The following FAM135A variants were observed in gnomAD, a reference collection of about 807,000 sequenced individuals.
FAM135A encodes protein FAM135A.
In FAM135A, 79 loss-of-function variants were observed where a neutral mutation model predicts 146.8. The observed-to-expected ratio is 0.54, with a 90% confidence interval of 0.45 to 0.65. The LOEUF (loss-of-function observed/expected upper bound fraction) is 0.65. Ranked by LOEUF, FAM135A falls within the 30% of genes least tolerant of loss-of-function variation. The pLI, the probability that FAM135A is intolerant of heterozygous loss-of-function variation, is 0.00. For missense variants in FAM135A, 1,623 were observed against 1,758.2 expected (o/e 0.92, Z 1.38); for synonymous variants, 562 against 603.6 (o/e 0.93, Z 1.01).
chr6:70,440,946 T>A (rs936650733), intron 4 of FAM135A, among the ~76,000 whole-genome samples: 5 of 152,228 alleles, frequency 3.3e-5, no homozygotes, highest in African/African-American at 1.2e-4. Flanking sequence ...ACATATAGTT[T>A]ACACAGAAAA....
intron 20 of FAM135A, among the ~76,000 whole-genome samples, chr6:70,555,092 C>CT (rs1301414178): frequency 6.6e-6 from 1 of 152,052 alleles, no homozygotes; most frequent in Non-Finnish European, 1.5e-5. Flanking sequence ...AAAAGTTAGA[C>CT]TTTATATTTT....
chr6:70,500,216 T>G (rs1306479655), intron 11 of FAM135A, among the ~76,000 whole-genome samples: 1 of 152,214 alleles, frequency 6.6e-6, no homozygotes, highest in East Asian at 1.9e-4. Flanking sequence ...TCTTCATGCC[T>G]TATTTCAGTA....
chr6:70,414,064 C>T, intron 1 of FAM135A: 2 of 985,060 alleles, frequency 2.0e-6, no homozygotes, highest in Non-Finnish European at 2.4e-6. Context: ...CTCCTTTACC[C>T]GCTTTCGTGG....
In FAM135A at chr6:70,526,370, C is replaced by G. The variant is rs1794687744; in HGVS notation, c.3286C>G (p.Gln1096Glu). 5 of 1,613,406 alleles carry G rather than the reference C, an allele frequency of 3.1e-6. No homozygotes were observed. The highest frequency in any genetic ancestry group is 4.2e-6 in the Non-Finnish European group (5 of 1,179,640). ...EEEEQDQQMVQNGYYEETDYS... is the reference protein window; with the variant it reads ...EEEEQDQQMVENGYYEETDYS... Reference sequence around the variant, plus strand: ...GGAAGAGCAGGATCAACAAATGGTTCAAAATGGGTACTATGAAGAAACAGA... The same window carrying G: ...GGAAGAGCAGGATCAACAAATGGTTGAAAATGGGTACTATGAAGAAACAGA... Residue 1096 changes from glutamine (Q) to glutamate (E), a missense_variant, in exon 15 of 22, where the codon CAA becomes GAA. Physicochemically the swap from Gln to Glu is conservative, Grantham distance 29. Transcript: ENST00000418814.
At chr6:70,466,401 G>GA (rs1348157028) in intron 5 of FAM135A, among the ~76,000 whole-genome samples, 4 of 152,078 alleles carry the variant, frequency 2.6e-5, no homozygotes, top group Admixed American at 6.6e-5. Context: ...GGTTGAGTTT[G>GA]AAAAAAATTG....
intron 18 of FAM135A, among the ~76,000 whole-genome samples, chr6:70,535,048 A>T (rs1582818575): frequency 1.3e-5 from 2 of 152,160 alleles, no homozygotes; most frequent in Non-Finnish European, 2.9e-5. Flanking sequence ...TAATATTTCA[A>T]CTTATTTATT....
At chr6:70,442,428 G>T (rs1477842964) in intron 4 of FAM135A, among the ~76,000 whole-genome samples, 5 of 151,976 alleles carry the variant, frequency 3.3e-5, no homozygotes, top group Admixed American at 2.6e-4. Context: ...AAAAATTTAC[G>T]TGGGTCCAAA....
intron 16 of FAM135A, 71 bp downstream of exon 16, chr6:70,528,523 T>G: frequency 7.6e-7 from 1 of 1,319,518 alleles, no homozygotes; most frequent in Non-Finnish European, 9.9e-7. Context: ...TCATTTAGTT[T>G]CATTTAGTCT....
At chr6:70,471,300 G>C (rs1781568673) in intron 5 of FAM135A, among the ~76,000 whole-genome samples, 1 of 152,040 alleles carries the variant, frequency 6.6e-6, no homozygotes, top group Non-Finnish European at 1.5e-5. Flanking sequence ...GATGGGTAAG[G>C]AAAAAAGGAA....
chr6:70,458,174 T>C (rs184877332), intron 5 of FAM135A, among the ~76,000 whole-genome samples: 8 of 152,194 alleles, frequency 5.3e-5, no homozygotes, highest in Non-Finnish European at 8.8e-5. Context: ...TTTAGAAGAT[T>C]ATATACTTTT....
chr6:70,503,869 C>G (rs538091935), intron 12 of FAM135A: 15 of 152,218 alleles, frequency 9.9e-5, no homozygotes, highest in African/African-American at 3.4e-4. Flanking sequence ...TTTGAATATA[C>G]CCACATTTAT....
In FAM135A at chr6:70,486,220, C is replaced by T. The variant is rs766346790; in HGVS notation, c.823+4066C>T. On this transcript the variant is annotated intron_variant, in intron 10 of 21. Transcript: ENST00000418814. ...GCGTCTTCTCAGAAGAAAACAGCTA[C>T]GAACACAGAAAGACAACCATCTAGG... The T allele has an allele frequency of 8.7e-6, 14 of 1,613,604 alleles. No individual in the cohort carries two copies. In the Admixed American group the frequency reaches 1.2e-4, roughly 13 times the overall value.
intron 11 of FAM135A, among the ~76,000 whole-genome samples, chr6:70,493,198 TAAAG>T (rs1032934954): frequency 2.0e-5 from 3 of 152,028 alleles, no homozygotes; most frequent in Admixed American, 6.5e-5. Flanking sequence ...TTGAAAAAAA[TAAAG>T]AAAAATATGA....
intron 20 of FAM135A, among the ~76,000 whole-genome samples, chr6:70,541,992 T>G (rs1479898754): frequency 1.3e-5 from 2 of 152,322 alleles, no homozygotes; most frequent in East Asian, 3.9e-4. Flanking sequence ...TCATCACTTT[T>G]ATTTAAATTA....
intron 4 of FAM135A, among the ~76,000 whole-genome samples, chr6:70,437,444 G>A (rs1373826985): frequency 6.6e-6 from 1 of 152,018 alleles, no homozygotes; most frequent in East Asian, 1.9e-4. Flanking sequence ...AATTCTGTAA[G>A]TGTTCAGTTT....
At chr6:70,418,195 TA>T (rs1767962841) in intron 2 of FAM135A, among the ~76,000 whole-genome samples, 1 of 152,222 alleles carries the variant, frequency 6.6e-6, no homozygotes, top group Admixed American at 6.5e-5. Context: ...GAATCACTTT[TA>T]AAATGAGATA....
At chr6:70,479,487 C>G (rs1443739795) in intron 8 of FAM135A, among the ~76,000 whole-genome samples, 1 of 152,168 alleles carries the variant, frequency 6.6e-6, no homozygotes, top group Non-Finnish European at 1.5e-5. Context: ...ATATCTAACA[C>G]TGTTGCTGCT....
Position 70,533,239 on chromosome 6 carries a change from T to A in FAM135A, c.3855T>A (p.Ser1285=), listed in dbSNP as rs1796163346. The A allele has an allele frequency of 1.9e-6, 3 of 1,612,122 alleles. No homozygotes were observed. Among genetic ancestry groups the A allele is most frequent in the African/African-American group, 1.3e-5 (1 of 74,908 alleles). The part of the protein sequence containing the change: ...LPGGRIDFLM[S]ERNQNDTFAD... ...GGGGAAGAATTGATTTTCTTATGTC[T>A]GAGAGAAATCAGGTACAATATGACA... The change falls in exon 17 of 22, where the codon TCT becomes TCA. Residue 1285 remains serine (S), a synonymous_variant. Coordinates refer to ENST00000418814, the MANE Select transcript of FAM135A (RefSeq NM_001162529.3).
chr6:70,548,223 A>G (rs1468608202), intron 20 of FAM135A, among the ~76,000 whole-genome samples: 1 of 152,208 alleles, frequency 6.6e-6, no homozygotes, highest in African/African-American at 2.4e-5. Flanking sequence ...GGGCCATAAT[A>G]TATTTAACTA....
Sources: gnomAD v4.1 joint callset for allele counts (sites outside exome capture counted in the v4.1 genomes callset) on GRCh38, gnomAD v4.1.1 for gene constraint, MANE v1.5 for transcripts, NCBI Gene and HGNC (gene_info 2026-07-23, HGNC 2026-07-21) for gene names.